Variants in GABRB3 observed in about 807,000 individuals in gnomAD.
The protein encoded by GABRB3 is gamma-aminobutyric acid type A receptor subunit beta3.
GABRB3 carries 14 observed loss-of-function variants against 52.1 expected under a neutral mutation model. The ratio of observed to expected loss-of-function variants is 0.27; its 90% CI spans 0.18 to 0.42. GABRB3 has a LOEUF of 0.42. Ranked by LOEUF, GABRB3 falls within the 10% of genes least tolerant of loss-of-function variation. GABRB3 has a pLI of 1.00. For missense variants in GABRB3, 307 were observed against 609.1 expected (o/e 0.50, Z 5.22); for synonymous variants, 260 against 232.3 (o/e 1.12, Z -1.08).
chr15:26,614,885 G>C lies in GABRB3; in HGVS notation c.461+6429C>G, dbSNP rs536014667. 5.9e-5 allele frequency: 9 copies of C among 152,256 alleles called. No homozygotes were observed. The East Asian group carries it at 1.5e-3, about 26-fold the overall frequency. The allele number at this position is 152,256 out of a possible 1,614,324, so 9.4% of individuals were successfully genotyped here. A position where few individuals can be genotyped will look rare whatever the true frequency, so the allele number is the denominator to read the frequency against. On this transcript the variant is annotated intron_variant, in intron 4 of 8. Coordinates refer to ENST00000311550, the MANE Select transcript of GABRB3 (RefSeq NM_000814.6). ...TATAATGTACTGTCCAACAGGTTTT[G>C]CAATACACTTCTCAGGCAAAATATG...
intron 3 of GABRB3, among the ~76,000 whole-genome samples, chr15:26,668,342 A>T (rs1887780295): frequency 6.6e-6 from 1 of 152,210 alleles, no homozygotes; most frequent in South Asian, 2.1e-4. Context: ...TGAAAACAAG[A>T]TTTGATACTA....
At chr15:26,741,807 G>A (rs12910741) in intron 3 of GABRB3, among the ~76,000 whole-genome samples, 106,012 of 151,942 alleles carry the variant, frequency 0.7, 38,397 homozygotes, top group South Asian at 0.83. Context: ...TGGGGGTCTC[G>A]CTATGTTGCC....
At chr15:26,773,082 A>G (rs1163642780), upstream of GABRB3, 6 of 981,460 alleles carry the variant, frequency 6.1e-6, no homozygotes, top group African/African-American at 1.1e-4. Context: ...GGAGCGGAGG[A>G]GGGCGGAGGG....
intron 3 of GABRB3, among the ~76,000 whole-genome samples, chr15:26,682,262 G>A (rs147968649): frequency 1.3e-5 from 2 of 152,148 alleles, no homozygotes; most frequent in African/African-American, 2.4e-5. Context: ...GGAATCCTGG[G>A]ATGAGCGCTT....
chr15:26,664,735 G>A (rs1323429815), intron 3 of GABRB3, among the ~76,000 whole-genome samples: 1 of 100,118 alleles, frequency 1.0e-5, no homozygotes, highest in East Asian at 2.7e-4. Flanking sequence ...GTGGAGTTTC[G>A]CTCTTGTTGC....
intron 3 of GABRB3, among the ~76,000 whole-genome samples, chr15:26,747,849 T>C (rs1365933551): frequency 6.6e-6 from 1 of 152,080 alleles, no homozygotes; most frequent in Non-Finnish European, 1.5e-5. Flanking sequence ...TCTTTATAAA[T>C]TAAGGAAATT....
intron 7 of GABRB3, among the ~76,000 whole-genome samples, chr15:26,563,743 G>A (rs537173686): frequency 6.6e-6 from 1 of 152,142 alleles, no homozygotes; most frequent in Non-Finnish European, 1.5e-5. Flanking sequence ...CTCTCTAAAG[G>A]GAAATCATCC....
chr15:26,695,117 C>T (rs1888697612), intron 3 of GABRB3, among the ~76,000 whole-genome samples: 1 of 152,052 alleles, frequency 6.6e-6, no homozygotes. Context: ...AAGACAGGAA[C>T]TTAAGAAATA....
chr15:26,558,745 A>G (rs1371044786), intron 8 of GABRB3, among the ~76,000 whole-genome samples: 2 of 152,176 alleles, frequency 1.3e-5, no homozygotes. Context: ...TCTACTAAAA[A>G]TATAAAAATT....
intron 3 of GABRB3, among the ~76,000 whole-genome samples, chr15:26,761,553 C>T (rs1041712494): frequency 4.0e-5 from 6 of 151,784 alleles, no homozygotes; most frequent in Admixed American, 3.9e-4. Flanking sequence ...ACTATATATT[C>T]TCATTGTATA....
rs946083706 is a variant in GABRB3, at chr15:26,589,333, T to C, written c.462-5919A>G. On this transcript the variant is annotated intron_variant, in intron 4 of 8. Coordinates refer to ENST00000311550, the MANE Select transcript of GABRB3 (RefSeq NM_000814.6). ...AACATTTGTCTGAAACATCTACCTG[T>C]TGACTTAGGTATAAAAGTGCTCCTT... Among the ~76,000 whole-genome samples, 4 of 152,318 alleles carry C rather than the reference T, an allele frequency of 2.6e-5. No individual in the cohort carries two copies. In the South Asian group the frequency reaches 8.3e-4, roughly 32 times the overall value.
intron 4 of GABRB3, chr15:26,612,567 T>C (rs757018300): frequency 4.6e-5 from 7 of 152,164 alleles, no homozygotes; most frequent in Non-Finnish European, 8.8e-5. Context: ...ATGGAAAGTT[T>C]AGCAGTCAGT....
intron 3 of GABRB3, among the ~76,000 whole-genome samples, chr15:26,691,674 C>A (rs536790172): frequency 1.3e-5 from 2 of 152,206 alleles, no homozygotes; most frequent in African/African-American, 4.8e-5. Flanking sequence ...TTATCTGTTC[C>A]TTCCCTGGGG....
intron 3 of GABRB3, chr15:26,658,315 GA>G (rs1276437242): frequency 6.6e-6 from 1 of 152,114 alleles, no homozygotes; most frequent in African/African-American, 2.4e-5. Flanking sequence ...CTGATTTGAG[GA>G]AATAATAAAA....
intron 3 of GABRB3, among the ~76,000 whole-genome samples, chr15:26,710,517 C>T (rs4906688): frequency 0.32 from 48,548 of 152,140 alleles, 8,348 homozygotes; most frequent in Middle Eastern, 0.43. Context: ...CCACCTTGGC[C>T]TCCCAAAGTG....
chr15:26,724,790 T>C (rs147009050), intron 3 of GABRB3, among the ~76,000 whole-genome samples: 3,000 of 152,326 alleles, frequency 0.02, 42 homozygotes, highest in Middle Eastern at 0.075. Flanking sequence ...GTATTAAATA[T>C]GCATATTTAG....
At chr15:26,563,456 G>A (rs1890058568) in intron 7 of GABRB3, among the ~76,000 whole-genome samples, 1 of 152,160 alleles carries the variant, frequency 6.6e-6, no homozygotes, top group African/African-American at 2.4e-5. Flanking sequence ...TACCTGCTAT[G>A]GGGGATACTG....
At chr15:26,593,667 G>GA (rs1891287462) in intron 4 of GABRB3, among the ~76,000 whole-genome samples, 3 of 152,056 alleles carry the variant, frequency 2.0e-5, no homozygotes, top group African/African-American at 7.2e-5. Flanking sequence ...TTTTAAAACT[G>GA]AAAAAATTCC....
chr15:26,772,784 A>T lies in GABRB3; in HGVS notation c.81-12T>A. Reference sequence around the variant, plus strand: ...CGGGATCGTTCACACTGGGGGAGGGACGGGGAGCACAAAGAGCGGGGTCAG... The same window carrying T: ...CGGGATCGTTCACACTGGGGGAGGGTCGGGGAGCACAAAGAGCGGGGTCAG... On this transcript the variant is annotated splice_polypyrimidine_tract_variant and intron_variant, in intron 1 of 8. Transcript: ENST00000311550. 1 of 1,531,040 alleles carries T rather than the reference A, an allele frequency of 6.5e-7. No homozygotes were observed. Among genetic ancestry groups the T allele is most frequent in the Non-Finnish European group, 8.8e-7 (1 of 1,136,290 alleles). The allele number at this position is 1,531,040 out of a possible 1,614,324, so 94.8% of individuals were successfully genotyped here.
Sources: allele counts gnomAD v4.1 joint callset (sites outside exome capture counted in the v4.1 genomes callset), GRCh38; gene constraint gnomAD v4.1.1; transcripts MANE v1.5; gene names NCBI Gene and HGNC (gene_info 2026-07-23, HGNC 2026-07-21).